Variants in VPS13B observed in about 807,000 individuals in gnomAD.
VPS13B encodes intermembrane lipid transfer protein VPS13B.
VPS13B carries 285 observed loss-of-function variants against 426.4 expected under a neutral mutation model. The ratio of observed to expected loss-of-function variants is 0.67; its 90% CI spans 0.61 to 0.74. The LOEUF (loss-of-function observed/expected upper bound fraction) is 0.74. VPS13B is among the 30% of genes least tolerant of loss of function. The pLI, the probability that VPS13B is intolerant of heterozygous loss-of-function variation, is 0.00. For synonymous variants in VPS13B, 1,676 were observed against 1,676.4 expected, an observed-to-expected ratio of 1.00 and a Z score of 0.01; for missense variants, 4,537 against 4,782.6, an observed-to-expected ratio of 0.95 and a Z score of 1.51.
chr8:99,282,545 A>G (rs928041216), intron 19 of VPS13B, among the ~76,000 whole-genome samples: 1 of 152,174 alleles, frequency 6.6e-6, no homozygotes, highest in Non-Finnish European at 1.5e-5. Flanking sequence ...ACTTATTTCT[A>G]TGAAATTTCA....
intron 23 of VPS13B, among the ~76,000 whole-genome samples, chr8:99,464,571 G>T (rs937131041): frequency 1.3e-5 from 2 of 152,076 alleles, no homozygotes; most frequent in Non-Finnish European, 2.9e-5. Flanking sequence ...TTATTTTTGT[G>T]TCATGTAAAC....
At position 99,564,065 on chromosome 8, in the gene VPS13B, G is replaced by T. The variant is rs577043307; in HGVS notation, c.4949+7412G>T. Among the ~76,000 whole-genome samples, 9 of 152,218 alleles carry T rather than the reference G, an allele frequency of 5.9e-5. No individual in the cohort carries two copies. In the South Asian group the frequency reaches 1.9e-3, roughly 32 times the overall value. ...CCTCTGGGTACATTACTCAAATTTT[G>T]TCTTTAATTGTGATGTGCTTCTATG... On this transcript the variant is annotated intron_variant, in intron 31 of 61. Transcript: ENST00000357162.
At chr8:99,168,341 A>G (rs1275972206) in intron 15 of VPS13B, among the ~76,000 whole-genome samples, 16 of 152,086 alleles carry the variant, frequency 1.1e-4, no homozygotes, top group Admixed American at 1.0e-3. Context: ...TCTCGTCTAC[A>G]CCCAATTTCC....
chr8:99,257,066 G>A (rs1212610339), intron 17 of VPS13B, among the ~76,000 whole-genome samples: 2 of 152,254 alleles, frequency 1.3e-5, no homozygotes, highest in South Asian at 4.1e-4. Flanking sequence ...ATGAATCAAA[G>A]TTAGCACCAC....
intron 2 of VPS13B, among the ~76,000 whole-genome samples, chr8:99,028,547 A>G (rs1842284738): frequency 1.2e-5 from 1 of 82,452 alleles, no homozygotes; most frequent in Non-Finnish European, 2.4e-5. Context: ...TCCCTCCCGG[A>G]CGGGGCGGCT....
chr8:99,309,539 A>G (rs1413358912), intron 19 of VPS13B, among the ~76,000 whole-genome samples: 1 of 152,126 alleles, frequency 6.6e-6, no homozygotes, highest in Non-Finnish European at 1.5e-5. Context: ...CCATTGGTCT[A>G]TATCTCTGTT....
chr8:99,776,832 C>T lies in VPS13B; in HGVS notation c.7305C>T (p.Ala2435=). The T allele has an allele frequency of 1.2e-6, 2 of 1,614,044 alleles. No homozygotes were observed. Among genetic ancestry groups the T allele is most frequent in the Non-Finnish European group, 1.7e-6 (2 of 1,179,970 alleles). The change falls in exon 41 of 62, where the codon GCC becomes GCT. Residue 2435 remains alanine (A), a synonymous_variant. Coordinates refer to ENST00000357162, the MANE Select transcript of VPS13B (RefSeq NM_152564.5). ...STCDPLVTPT[A]LAACTRVDSC... is the part of the protein sequence containing the mutation. ...GTGATCCACTTGTGACTCCAACAGC[C>T]CTGGCTGCCTGTACCAGAGTTGACT...
At chr8:99,809,639 TCTA>T in intron 44 of VPS13B, 109 bp downstream of exon 44, 1 of 1,300,466 alleles carries the variant, frequency 7.7e-7, no homozygotes, top group Non-Finnish European at 1.1e-6. Flanking sequence ...CCTAGTTATA[TCTA>T]CTACTACCAT....
intron 41 of VPS13B, 25 bp from the exon 42 acceptor site, chr8:99,778,657 T>C (rs767663884): frequency 1.9e-6 from 3 of 1,602,780 alleles, no homozygotes; most frequent in Middle Eastern, 1.7e-4. Flanking sequence ...TTAATTGCTG[T>C]TTTCCTTGTT....
At position 99,482,253 on chromosome 8, in the gene VPS13B, GC is replaced by G. The variant is rs1820079197; in HGVS notation, c.3870+452del. ...TCTCCTCTTCCTCCCAATTATAAAA[GC>G]TTTTCTTTTTATTTTTAACGTCCTA... is the stretch of plus-strand genomic sequence containing the variant. On this transcript the variant is annotated intron_variant, in intron 25 of 61. Transcript: ENST00000357162. Among the ~76,000 whole-genome samples, 3 of 151,786 alleles carry G rather than the reference GC, an allele frequency of 2.0e-5. No homozygotes were observed. In the South Asian group the frequency reaches 6.2e-4, roughly 31 times the overall value.
rs11997610 is a variant in VPS13B at position 99,821,679 on chromosome 8, G to C, written c.9183+197G>C. ...TTTTTCTTTACCAGTGATAAAAGCT[G>C]TGTCACATAATTTATCCAATAATTG... On this transcript the variant is annotated intron_variant, in intron 50 of 61. Coordinates refer to ENST00000357162, the MANE Select transcript of VPS13B (RefSeq NM_152564.5). Among the ~76,000 whole-genome samples, 1,590 of 152,170 alleles carry C rather than the reference G, an allele frequency of 0.01. 25 individuals carry two copies. The highest frequency in any genetic ancestry group is 0.037 in the African/African-American group (1,535 of 41,512).
chr8:99,285,761 G>C (rs568890315), intron 19 of VPS13B, among the ~76,000 whole-genome samples: 1 of 152,030 alleles, frequency 6.6e-6, no homozygotes, highest in South Asian at 2.1e-4. Flanking sequence ...AAACACTTAC[G>C]GGTGAAATTC....
chr8:99,250,288 G>A (rs1257501849), intron 17 of VPS13B, among the ~76,000 whole-genome samples: 1 of 152,006 alleles, frequency 6.6e-6, no homozygotes, highest in Non-Finnish European at 1.5e-5. Flanking sequence ...TCAGCTATAT[G>A]GTTTACAACT....
intron 17 of VPS13B, among the ~76,000 whole-genome samples, chr8:99,264,084 T>C (rs560496803): frequency 6.6e-6 from 1 of 152,296 alleles, no homozygotes; most frequent in South Asian, 2.1e-4. Flanking sequence ...ACTGTCTTTT[T>C]TTTTGTTATT....
chr8:99,468,099 C>T (rs1194656220), intron 24 of VPS13B, among the ~76,000 whole-genome samples: 1 of 152,076 alleles, frequency 6.6e-6, no homozygotes, highest in Non-Finnish European at 1.5e-5. Context: ...GTGCTGCACC[C>T]GTTAACTCAT....
chr8:99,540,385 AT>A (rs1049148045), intron 30 of VPS13B, among the ~76,000 whole-genome samples: 4 of 151,858 alleles, frequency 2.6e-5, no homozygotes, highest in African/African-American at 9.7e-5. Flanking sequence ...CGGCCTAAGC[AT>A]TTCTATTTTT....
At chr8:99,838,329 C>A (rs1371527339) in intron 54 of VPS13B, among the ~76,000 whole-genome samples, 2 of 152,136 alleles carry the variant, frequency 1.3e-5, no homozygotes, top group East Asian at 3.8e-4. Flanking sequence ...TAAGTTTACA[C>A]CAATAATTTT....
At chr8:99,422,486 G>A (rs926041756) in intron 21 of VPS13B, among the ~76,000 whole-genome samples, 1 of 152,016 alleles carries the variant, frequency 6.6e-6, no homozygotes, top group Non-Finnish European at 1.5e-5. Flanking sequence ...TTTTTCATCG[G>A]TAGGTTTTTA....
At chr8:99,832,341 A>ATTCTT in intron 51 of VPS13B, 28 bp from the exon 52 acceptor site, 1 of 1,192,552 alleles carries the variant, frequency 8.4e-7, no homozygotes, top group South Asian at 1.6e-5. Flanking sequence ...TGCTCTCTGC[A>ATTCTT]TTTTTTTTTT....
Sources: gnomAD v4.1 joint callset for allele counts (sites outside exome capture counted in the v4.1 genomes callset) on GRCh38, gnomAD v4.1.1 for gene constraint, MANE v1.5 for transcripts, NCBI Gene and HGNC (gene_info 2026-07-23, HGNC 2026-07-21) for gene names.